The following CFAP54 variants were observed in gnomAD, a reference collection of about 807,000 sequenced individuals.
CFAP54 encodes cilia- and flagella-associated protein 54.
Under a neutral mutation model 370.4 loss-of-function variants are expected in CFAP54, and 290 were observed. The ratio of observed to expected loss-of-function variants is 0.78; its 90% CI spans 0.71 to 0.86. CFAP54 has a LOEUF of 0.86. Ranked by LOEUF, CFAP54 falls within the 40% of genes least tolerant of loss-of-function variation. The pLI, the probability that CFAP54 is intolerant of heterozygous loss-of-function variation, is 0.00. For missense variants in CFAP54, 3,399 were observed against 3,528.7 expected (o/e 0.96, Z 0.93); for synonymous variants, 1,206 against 1,236.5 (o/e 0.98, Z 0.52).
intron 50 of CFAP54, among the ~76,000 whole-genome samples, chr12:96,726,002 A>AGC (rs1210059848): frequency 1.4e-5 from 2 of 146,678 alleles, no homozygotes; most frequent in African/African-American, 5.0e-5. Context: ...ATATTGAACC[A>AGC]GCCTTGCATC....
intron 63 of CFAP54, among the ~76,000 whole-genome samples, chr12:96,808,594 G>A (rs1258076786): frequency 1.3e-5 from 2 of 152,106 alleles, no homozygotes; most frequent in Admixed American, 6.6e-5. Flanking sequence ...ATGGCATATC[G>A]TGGTCTCAAG....
chr12:96,846,322 C>T (rs1959343674), intron 66 of CFAP54, among the ~76,000 whole-genome samples: 1 of 152,176 alleles, frequency 6.6e-6, no homozygotes, highest in Non-Finnish European at 1.5e-5. Context: ...CCTGAACTTG[C>T]ATCAGGCCTC....
At chr12:96,715,374 A>T (rs1436895383) in intron 48 of CFAP54, among the ~76,000 whole-genome samples, 1 of 152,162 alleles carries the variant, frequency 6.6e-6, no homozygotes, top group African/African-American at 2.4e-5. Flanking sequence ...GGTGGGTGAC[A>T]TAAAGGAGAG....
At chr12:96,769,127 C>A (rs896034234) in intron 60 of CFAP54, among the ~76,000 whole-genome samples, 2 of 152,150 alleles carry the variant, frequency 1.3e-5, no homozygotes, top group African/African-American at 2.4e-5. Context: ...TGCAAAGAAA[C>A]CTTTATTTCA....
chr12:96,489,789 GTTTTA>G lies in CFAP54; in HGVS notation c.182_186del (p.Phe61TrpfsTer14). On this transcript the variant is annotated frameshift_variant, in exon 1 of 68. Transcript: ENST00000524981. LOFTEE classifies it high-confidence loss of function. Reference sequence around the variant, plus strand: ...CCGAGGACTCATTGCCCCTAGCCGTGTTTTATGGGCCGCTGGACGCGAAAAACCCG... The same window carrying G: ...CCGAGGACTCATTGCCCCTAGCCGTGTGGGCCGCTGGACGCGAAAAACCCG... 6.5e-7 allele frequency: 1 copy of G among 1,536,128 alleles called. No individual in the cohort carries two copies. The highest frequency in any genetic ancestry group is 8.7e-7 in the Non-Finnish European group (1 of 1,146,924).
chr12:96,816,762 G>A (rs915018864), intron 64 of CFAP54, among the ~76,000 whole-genome samples: 1 of 152,150 alleles, frequency 6.6e-6, no homozygotes, highest in Non-Finnish European at 1.5e-5. Context: ...CTGTAGTGTG[G>A]AGTCACTGGG....
At chr12:96,527,465 T>C (rs1027819833) in intron 9 of CFAP54, 21 bp downstream of exon 9, 10 of 1,477,764 alleles carry the variant, frequency 6.8e-6, no homozygotes, top group African/African-American at 4.2e-5. Flanking sequence ...TGTTAAGATA[T>C]TGTTTTATGA....
intron 17 of CFAP54, among the ~76,000 whole-genome samples, chr12:96,559,978 T>C (rs978740661): frequency 1.3e-5 from 2 of 152,200 alleles, no homozygotes; most frequent in African/African-American, 4.8e-5. Flanking sequence ...CTAAATGTTT[T>C]ATAGTTTTAC....
At chr12:96,551,289 CCA>C (rs1491256515) in intron 15 of CFAP54, among the ~76,000 whole-genome samples, 1 of 151,954 alleles carries the variant, frequency 6.6e-6, no homozygotes, top group East Asian at 1.9e-4. Flanking sequence ...CTCCCCAAAC[CCA>C]AAAAAACCCG....
intron 25 of CFAP54, among the ~76,000 whole-genome samples, chr12:96,598,112 G>A (rs190109790): frequency 3.3e-4 from 36 of 108,844 alleles, no homozygotes; most frequent in Non-Finnish European, 1.4e-4. Flanking sequence ...AAAGCTATTC[G>A]TCTAGCTCTT....
At chr12:96,587,079 G>A (rs1055052134) in intron 22 of CFAP54, among the ~76,000 whole-genome samples, 3 of 152,198 alleles carry the variant, frequency 2.0e-5, no homozygotes, top group African/African-American at 7.2e-5. Context: ...CATCAACTGA[G>A]TTGTGGAAGG....
intron 11 of CFAP54, among the ~76,000 whole-genome samples, chr12:96,534,428 A>C (rs1483554617): frequency 6.6e-6 from 1 of 152,152 alleles, no homozygotes; most frequent in Non-Finnish European, 1.5e-5. Flanking sequence ...AGAAGTAGCT[A>C]GGCGCTAGAT....
At chr12:96,558,297 G>A (rs760546757) in intron 17 of CFAP54, among the ~76,000 whole-genome samples, 1 of 152,108 alleles carries the variant, frequency 6.6e-6, no homozygotes, top group Non-Finnish European at 1.5e-5. Context: ...CCTAGCTAGA[G>A]CAATCAGACA....
At chr12:96,757,674 CT>C in intron 58 of CFAP54, 86 bp downstream of exon 58, 1 of 627,580 alleles carries the variant, frequency 1.6e-6, no homozygotes, top group East Asian at 2.9e-5. Context: ...AATAATGAGG[CT>C]GATTTTCCTG....
chr12:96,601,763 T>C (rs547966819), intron 26 of CFAP54, among the ~76,000 whole-genome samples: 6 of 152,370 alleles, frequency 3.9e-5, no homozygotes, highest in Middle Eastern at 3.4e-3. Flanking sequence ...TATAGTATTC[T>C]CTGCTGGTAG....
intron 65 of CFAP54, 53 bp downstream of exon 65, chr12:96,817,966 C>A: frequency 8.0e-7 from 1 of 1,257,316 alleles, no homozygotes; most frequent in Non-Finnish European, 1.1e-6. Context: ...CTTTTATATC[C>A]TCAAAGCAGA....
intron 45 of CFAP54, among the ~76,000 whole-genome samples, chr12:96,695,027 A>C (rs1182617041): frequency 6.6e-6 from 1 of 152,140 alleles, no homozygotes; most frequent in East Asian, 1.9e-4. Flanking sequence ...TGTCAAAAAA[A>C]ACAAAAACAA....
intron 47 of CFAP54, among the ~76,000 whole-genome samples, chr12:96,705,473 G>A (rs1480887650): frequency 6.6e-6 from 1 of 151,588 alleles, no homozygotes; most frequent in Non-Finnish European, 1.5e-5. Flanking sequence ...TGCCTGAAAT[G>A]AAATAACTGG....
intron 8 of CFAP54, 64 bp downstream of exon 8, chr12:96,522,253 A>G (rs566568484): frequency 1.0e-5 from 11 of 1,099,106 alleles, no homozygotes; most frequent in African/African-American, 6.3e-5. Flanking sequence ...TTATGCTCCT[A>G]TGTCTTTCAA....
Sources: allele counts gnomAD v4.1 joint callset (sites outside exome capture counted in the v4.1 genomes callset), GRCh38; gene constraint gnomAD v4.1.1; transcripts MANE v1.5; gene names NCBI Gene and HGNC (gene_info 2026-07-23, HGNC 2026-07-21).